Variants in ARHGEF17 observed in about 807,000 individuals in gnomAD.
ARHGEF17 encodes the protein Rho guanine nucleotide exchange factor 17, also known as 164 kDa Rho-specific guanine-nucleotide exchange factor.
A neutral mutation model predicts 174.0 loss-of-function variants in ARHGEF17; 80 were observed. The observed-to-expected ratio is 0.46, with a 90% CI of 0.38 to 0.55. The LOEUF is 0.55. ARHGEF17 is among the 20% of genes least tolerant of loss of function. The pLI, the probability that ARHGEF17 is intolerant of heterozygous loss-of-function variation, is 0.00. For missense variants in ARHGEF17, 2,886 were observed against 2,839.7 expected, an observed-to-expected ratio of 1.02 and a Z score of -0.37; for synonymous variants, 1,311 against 1,189.1, an observed-to-expected ratio of 1.10 and a Z score of -2.11.
chr11:73,315,089 T>TA (rs1864907392), intron 1 of ARHGEF17, among the ~76,000 whole-genome samples: 1 of 152,214 alleles, frequency 6.6e-6, no homozygotes. Context: ...AGTGCAGACT[T>TA]AGAGTCGAAG....
chr11:73,367,946 C>G lies in ARHGEF17; in HGVS notation c.*166C>G. The G allele has an allele frequency of 1.4e-6, 1 of 722,628 alleles. No individual in the cohort carries two copies. The highest frequency in any genetic ancestry group is 2.2e-6 in the Non-Finnish European group (1 of 459,806). 44.8% of individuals were successfully genotyped at this position (722,628 alleles called of 1,614,324 possible). On this transcript the variant is annotated 3_prime_UTR_variant, in exon 21 of 21. Coordinates refer to ENST00000263674, the MANE Select transcript of ARHGEF17 (RefSeq NM_014786.4). Reference sequence around the variant, plus strand: ...GGAAGCATTCCTGATGGAACACCCACTGGCCAGCCAGGCCATGGCTTCTCC... The same window carrying G: ...GGAAGCATTCCTGATGGAACACCCAGTGGCCAGCCAGGCCATGGCTTCTCC...
At chr11:73,361,917 C>T (rs1865744865) in intron 12 of ARHGEF17, 123 bp from the exon 13 acceptor site, 3 of 1,043,898 alleles carry the variant, frequency 2.9e-6, no homozygotes, top group Non-Finnish European at 4.1e-6. Context: ...GTGTATAGGG[C>T]ATCCACACAC....
At chr11:73,339,251 G>A (rs1251174611) in intron 1 of ARHGEF17, among the ~76,000 whole-genome samples, 1 of 152,130 alleles carries the variant, frequency 6.6e-6, no homozygotes, top group Non-Finnish European at 1.5e-5. Flanking sequence ...ACAGTGCTTG[G>A]CATCTAATAG....
Position 73,362,249 on chromosome 11 carries a change from G to A in ARHGEF17, c.4694+10G>A. ...AGCCTCGCTGCCACCGGTGAGGCCT[G>A]GGCGGCGGGGTGGGCGGCACCGCGG... On this transcript the variant is annotated intron_variant, in intron 13 of 20. Coordinates refer to ENST00000263674, the MANE Select transcript of ARHGEF17 (RefSeq NM_014786.4). 1.3e-6 allele frequency: 2 copies of A among 1,511,034 alleles called. No individual in the cohort carries two copies. The highest frequency in any genetic ancestry group is 2.5e-5 in the South Asian group (2 of 80,364). The allele number at this position is 1,511,034 out of a possible 1,614,324, so 93.6% of individuals were successfully genotyped here.
rs201268039 is a variant in ARHGEF17, at chr11:73,360,372, C to T, written c.4259C>T (p.Ser1420Leu). 11 of 1,613,916 alleles carry T rather than the reference C, an allele frequency of 6.8e-6. No homozygotes were observed. The highest frequency in any genetic ancestry group is 4.4e-5 in the South Asian group (4 of 91,090). ...TCAGCTGCCATGCACCGGGACCTGT[C>T]GGAGAAGCAGGCGCTGTGCTACGCG... ...DLSAAMHRDL[S>L]EKQALCYALS... The change falls in exon 11 of 21, where the codon TCG becomes TTG. Residue 1420 changes from serine to leucine, a missense_variant. Physicochemically the swap from Ser to Leu is moderately radical, Grantham distance 145. Transcript: ENST00000263674.
Position 73,365,510 on chromosome 11 carries a change from T to A in ARHGEF17, c.5671T>A (p.Phe1891Ile), listed in dbSNP as rs1376978537. 1.9e-6 allele frequency: 3 copies of A among 1,614,102 alleles called. No individual in the cohort carries two copies. The highest frequency in any genetic ancestry group is 2.2e-5 in the South Asian group (2 of 91,086). Residue 1891 changes from phenylalanine to isoleucine, a missense_variant, in exon 19 of 21, where the codon TTT (phenylalanine) becomes ATT (isoleucine). Coordinates refer to ENST00000263674, the MANE Select transcript of ARHGEF17 (RefSeq NM_014786.4). The surrounding 1 kb of genome is among the most constrained non-coding windows in gnomAD (Gnocchi z 4.9). ...AHVCLYHPDT[F>I]EQLAEVDVTP... is the part of the protein sequence containing the mutation. ...CGTGTGTCTCTACCATCCAGACACC[T>A]TTGAGCAGCTGGCAGAAGTAGACGT...
At position 73,367,945 on chromosome 11, in the gene ARHGEF17, ACTGG is replaced by A; in HGVS notation, c.*167_*170del. 1 of 717,376 alleles carries A rather than the reference ACTGG, an allele frequency of 1.4e-6. No homozygotes were observed. The highest frequency in any genetic ancestry group is 1.8e-5 in the African/African-American group (1 of 56,230). 44.4% of individuals were successfully genotyped at this position (717,376 alleles called of 1,614,324 possible). A position where few individuals can be genotyped will look rare whatever the true frequency, so the allele number is the denominator to read the frequency against. ...CGGAAGCATTCCTGATGGAACACCC[ACTGG>A]CCAGCCAGGCCATGGCTTCTCCCGA... is the stretch of plus-strand genomic sequence containing the variant. On this transcript the variant is annotated 3_prime_UTR_variant, in exon 21 of 21. Coordinates refer to ENST00000263674, the MANE Select transcript of ARHGEF17 (RefSeq NM_014786.4).
At chr11:73,326,580 C>T (rs1392660022) in intron 1 of ARHGEF17, among the ~76,000 whole-genome samples, 4 of 152,070 alleles carry the variant, frequency 2.6e-5, no homozygotes, top group Non-Finnish European at 5.9e-5. Flanking sequence ...ATTAGCTGGG[C>T]CTGGTGGCAT....
chr11:73,356,534 G>A (rs1484012068), intron 6 of ARHGEF17, 175 bp from the exon 7 acceptor site: 12 of 1,116,378 alleles, frequency 1.1e-5, no homozygotes, highest in Middle Eastern at 2.8e-4. Flanking sequence ...GTTCTTCCAC[G>A]TCTGTCTCTG....
chr11:73,360,569 A>G (rs374830763), intron 11 of ARHGEF17, 36 bp downstream of exon 11: 89 of 1,608,310 alleles, frequency 5.5e-5, no homozygotes, highest in Non-Finnish European at 7.1e-5. Context: ...CTCCTCCTAG[A>G]GCTTCCAGGC....
In ARHGEF17 at chr11:73,310,478, G is replaced by A; in HGVS notation, c.1840G>A (p.Asp614Asn). 6.2e-7 allele frequency: 1 copy of A among 1,614,020 alleles called. No individual in the cohort carries two copies. The highest frequency in any genetic ancestry group is 8.5e-7 in the Non-Finnish European group (1 of 1,180,040). Residue 614 changes from aspartate to asparagine, a missense_variant, in exon 1 of 21, where the codon GAT becomes AAT. Asp to Asn is a conservative substitution (Grantham distance 23). This residue lies in a region of ARHGEF17 where 1,728 missense variants were observed against 1,461.2 expected (regional missense o/e 1.18). Transcript: ENST00000263674. ...GGGTGCCCAACAAGATGATGGAAGC[G>A]ATGCCCCCCCTGGAAGCCCTGACTG... ...RMGAQQDDGSDAPPGSPDWAG... is the reference protein window; with the variant it reads ...RMGAQQDDGSNAPPGSPDWAG...
intron 1 of ARHGEF17, among the ~76,000 whole-genome samples, chr11:73,337,001 A>G (rs528181133): frequency 2.4e-4 from 37 of 152,222 alleles, no homozygotes; most frequent in Non-Finnish European, 4.6e-4. Context: ...TTTATGACCT[A>G]GCTTTGGATG....
At chr11:73,362,324 G>A (rs534306243) in intron 13 of ARHGEF17, 85 bp downstream of exon 13, 30 of 1,446,478 alleles carry the variant, frequency 2.1e-5, no homozygotes, top group Non-Finnish European at 2.5e-5. Context: ...CCGCCCCGGC[G>A]TGGTTGTGGG....
At chr11:73,345,499 C>CTT (rs1198229396) in intron 1 of ARHGEF17, among the ~76,000 whole-genome samples, 1 of 151,932 alleles carries the variant, frequency 6.6e-6, no homozygotes, top group Non-Finnish European at 1.5e-5. Context: ...AGTGGGTGTG[C>CTT]CACAAGCAGA....
In ARHGEF17 at chr11:73,311,080, G is replaced by A; in HGVS notation, c.2442G>A (p.Val814=). ...GGCCTGGCACCCTGGGGCGTGTGGT[G>A]GACGACAGGATTGCTGGCAAAGCCC... ...VQGPGTLGRV[V]DDRIAGKAPK... Residue 814 remains valine, a synonymous_variant, in exon 1 of 21, where the codon GTG becomes GTA. Coordinates refer to ENST00000263674, the MANE Select transcript of ARHGEF17 (RefSeq NM_014786.4). 1.2e-6 allele frequency: 2 copies of A among 1,611,254 alleles called. No homozygotes were observed. The highest frequency in any genetic ancestry group is 1.7e-5 in the Admixed American group (1 of 59,902).
chr11:73,320,628 CAA>C (rs1165583721), intron 1 of ARHGEF17, among the ~76,000 whole-genome samples: 122 of 57,668 alleles, frequency 2.1e-3, no homozygotes, highest in Middle Eastern at 0.012. Flanking sequence ...GACTCCGTCT[CAA>C]AAAAAAAAAA....
chr11:73,341,319 T>C (rs1162326196), intron 1 of ARHGEF17, among the ~76,000 whole-genome samples: 1 of 152,168 alleles, frequency 6.6e-6, no homozygotes, highest in African/African-American at 2.4e-5. Flanking sequence ...AGATGGAGTT[T>C]CGCTGTTGTT....
rs1865159805 is a variant in ARHGEF17 at position 73,329,356 on chromosome 11, TATATA to T, written c.3193-17526_3193-17522del. Among the ~76,000 whole-genome samples, 20 of 37,228 alleles carry T rather than the reference TATATA, an allele frequency of 5.4e-4. 1 individual carries two copies. Among genetic ancestry groups the T allele is most frequent in the African/African-American group, 4.0e-3 (19 of 4,782 alleles). The allele number at this position is 37,228 out of a possible 152,430, so 24.4% of individuals were successfully genotyped here. A position where few individuals can be genotyped will look rare whatever the true frequency, so the allele number is the denominator to read the frequency against. ...ATATATATATATATATATATATATA[TATATA>T]TATATATATATATTTTTTTTTTTTT... On this transcript the variant is annotated intron_variant, in intron 1 of 20. Coordinates refer to ENST00000263674, the MANE Select transcript of ARHGEF17 (RefSeq NM_014786.4).
At chr11:73,343,047 G>C (rs1865398370) in intron 1 of ARHGEF17, 1 of 288,632 alleles carries the variant, frequency 3.5e-6, no homozygotes, top group Non-Finnish European at 6.4e-6. Context: ...AGCCCTTAGG[G>C]AGCGAGAGTG....
Sources: gnomAD v4.1 joint callset for allele counts (sites outside exome capture counted in the v4.1 genomes callset) on GRCh38, gnomAD v4.1.1 for gene constraint, gnomAD v4.1.1 regional missense constraint, Gnocchi (gnomAD v3.1) non-coding constraint, MANE v1.5 for transcripts, NCBI Gene and HGNC (gene_info 2026-07-23, HGNC 2026-07-21) for gene names.